MED12L: variants seen among roughly 807,000 people sequenced by gnomAD.
The protein encoded by MED12L is mediator complex subunit 12L.
Under a neutral mutation model 281.3 loss-of-function variants are expected in MED12L, and 60 were observed. That is an observed-to-expected ratio of 0.21 (90% CI 0.17 to 0.26). The LOEUF (loss-of-function observed/expected upper bound fraction) is 0.26, where lower values mean the gene tolerates loss of function less well. Among genes scored for constraint, MED12L ranks in the 10% least tolerant of loss-of-function variants. The pLI is 1.00. For missense variants in MED12L, 2,146 were observed against 2,680.9 expected, an observed-to-expected ratio of 0.80 and a Z score of 4.41; for synonymous variants, 974 against 987.2, an observed-to-expected ratio of 0.99 and a Z score of 0.25.
chr3:151,146,106 T>G (rs1160302146), intron 5 of MED12L, among the ~76,000 whole-genome samples: 2 of 152,184 alleles, frequency 1.3e-5, no homozygotes, highest in African/African-American at 4.8e-5. Flanking sequence ...GGCTGCTGAT[T>G]AAAAAAGCAG....
chr3:151,387,531 AAG>A (rs1713594583), intron 36 of MED12L, among the ~76,000 whole-genome samples: 1 of 152,190 alleles, frequency 6.6e-6, no homozygotes, highest in South Asian at 2.1e-4. Flanking sequence ...TTTTAGCAAA[AAG>A]AGGAAATACA....
chr3:151,406,538 A>G (rs1030430851), intron 39 of MED12L, among the ~76,000 whole-genome samples: 1 of 152,154 alleles, frequency 6.6e-6, no homozygotes, highest in Non-Finnish European at 1.5e-5. Context: ...GCATATCTGA[A>G]TTATTTTCCA....
chr3:151,376,822 G>C lies in MED12L; in HGVS notation c.4076G>C (p.Arg1359Thr). 1 of 1,613,980 alleles carries C rather than the reference G, an allele frequency of 6.2e-7. No individual in the cohort carries two copies. Among genetic ancestry groups the C allele is most frequent in the South Asian group, 1.1e-5 (1 of 91,078 alleles). Residue 1359 changes from arginine (R) to threonine (T), a missense_variant, in exon 29 of 45, where the codon AGG (arginine) becomes ACG (threonine). Arg to Thr is a moderately conservative substitution (Grantham distance 71). Around this residue, in one of 9 missense-constraint regions of MED12L, gnomAD observed 235 missense variants for 260.3 expected, o/e 0.90. Coordinates refer to ENST00000687756, the MANE Select transcript of MED12L (RefSeq NM_001393769.1). ...CAGAATCTTGAGCAGTGGACACTGAGGCAATCCTGGTTAGAACTCCAGCTA... is the reference window on the plus strand; with the variant it reads ...CAGAATCTTGAGCAGTGGACACTGACGCAATCCTGGTTAGAACTCCAGCTA... Reference protein sequence around the residue: ...ILQNLEQWTLRQSWLELQLMI... With the variant: ...ILQNLEQWTLTQSWLELQLMI...
At chr3:151,356,523 A>AT (rs1401168954) in intron 19 of MED12L, among the ~76,000 whole-genome samples, 2 of 152,172 alleles carry the variant, frequency 1.3e-5, no homozygotes, top group Non-Finnish European at 2.9e-5. Flanking sequence ...TTAAACTAAC[A>AT]TTTTATTTAA....
chr3:151,410,210 C>G (rs1716789344), intron 40 of MED12L, among the ~76,000 whole-genome samples: 1 of 152,180 alleles, frequency 6.6e-6, no homozygotes, highest in South Asian at 2.1e-4. Flanking sequence ...GCCTGATACA[C>G]AATATAATGC....
At position 151,361,069 on chromosome 3, in the gene MED12L, G is replaced by A. The variant is rs76728991; in HGVS notation, c.2957+464G>A. ...ATTTTGCTTTATTTGTATCCCTCTT[G>A]ATTTTGATATCTACCTTTTCTGAGC... On this transcript the variant is annotated intron_variant, in intron 21 of 44. Coordinates refer to ENST00000687756, the MANE Select transcript of MED12L (RefSeq NM_001393769.1). Among the ~76,000 whole-genome samples, 5 of 152,072 alleles carry A rather than the reference G, an allele frequency of 3.3e-5. No homozygotes were observed. The East Asian group carries it at 9.7e-4, about 29-fold the overall frequency.
chr3:151,155,238 C>G (rs1045762609), intron 5 of MED12L, among the ~76,000 whole-genome samples: 14 of 152,104 alleles, frequency 9.2e-5, no homozygotes, highest in African/African-American at 3.1e-4. Context: ...TTTGCTAATC[C>G]TTGGGGAAAT....
chr3:151,189,081 A>G (rs1290207055), intron 13 of MED12L, among the ~76,000 whole-genome samples: 3 of 152,212 alleles, frequency 2.0e-5, no homozygotes, highest in Non-Finnish European at 4.4e-5. Context: ...AGATTTTCAT[A>G]TGACAAAATG....
At chr3:151,128,480 C>A (rs1178408389) in intron 5 of MED12L, among the ~76,000 whole-genome samples, 1 of 152,048 alleles carries the variant, frequency 6.6e-6, no homozygotes, top group Non-Finnish European at 1.5e-5. Context: ...TCTGCCCCCA[C>A]CCCCGGCTCC....
At chr3:151,121,692 A>G (rs561515860) in intron 3 of MED12L, among the ~76,000 whole-genome samples, 22 of 152,162 alleles carry the variant, frequency 1.4e-4, no homozygotes, top group African/African-American at 4.8e-4. Context: ...CAGATTTTCT[A>G]TAGATTCACT....
intron 16 of MED12L, chr3:151,327,005 A>G (rs565400766): frequency 2.0e-5 from 3 of 152,324 alleles, no homozygotes; most frequent in South Asian, 4.1e-4. Flanking sequence ...CGAGAATAGC[A>G]ATTCTATTTA....
At chr3:151,219,151 G>C (rs950033041) in intron 16 of MED12L, among the ~76,000 whole-genome samples, 7 of 152,224 alleles carry the variant, frequency 4.6e-5, no homozygotes, top group African/African-American at 1.7e-4. Flanking sequence ...GATTCAATCT[G>C]ATTTAGATAG....
At chr3:151,373,142 C>T (rs1756395919) in intron 27 of MED12L, among the ~76,000 whole-genome samples, 2 of 152,178 alleles carry the variant, frequency 1.3e-5, no homozygotes, top group Middle Eastern at 3.4e-3. Context: ...GCTTTTGGTA[C>T]AGTAATTTTT....
intron 2 of MED12L, among the ~76,000 whole-genome samples, chr3:151,109,258 T>C (rs1311080734): frequency 1.3e-5 from 2 of 152,156 alleles, no homozygotes; most frequent in African/African-American, 2.4e-5. Flanking sequence ...GGTTTCACCG[T>C]GTTAGCCAGG....
At position 151,321,313 on chromosome 3, in the gene MED12L, GGTT is replaced by G. The variant is rs543274800; in HGVS notation, c.2251-28745_2251-28743del. On this transcript the variant is annotated intron_variant, in intron 16 of 44. Transcript: ENST00000687756. The stretch of plus-strand genomic sequence containing the variant: ...AATTGTGGGAATCTATAAAAGCTGA[GGTT>G]AGAATATATGGGGAGAGAAGGGAGG... Among the ~76,000 whole-genome samples the G allele has an allele frequency of 1.9e-3, 283 of 152,178 alleles. 1 individual carries two copies. Among genetic ancestry groups the G allele is most frequent in the African/African-American group, 6.5e-3 (269 of 41,512 alleles).
chr3:151,245,571 C>G (rs112649767), intron 16 of MED12L, among the ~76,000 whole-genome samples: 19 of 139,294 alleles, frequency 1.4e-4, no homozygotes, highest in Admixed American at 3.0e-4. Context: ...ATTCAACAAC[C>G]CTTCATGCTG....
chr3:151,343,880 T>C (rs138336729), intron 16 of MED12L, among the ~76,000 whole-genome samples: 3 of 152,316 alleles, frequency 2.0e-5, no homozygotes, highest in African/African-American at 4.8e-5. Flanking sequence ...GATATAATTA[T>C]GACATTTGAT....
chr3:151,270,575 A>G (rs1225935616), intron 16 of MED12L, among the ~76,000 whole-genome samples: 1 of 152,142 alleles, frequency 6.6e-6, no homozygotes, highest in Non-Finnish European at 1.5e-5. Flanking sequence ...CTGCGTGAAT[A>G]TGGATAGTTA....
chr3:151,268,938 G>A (rs776531262), intron 16 of MED12L, among the ~76,000 whole-genome samples: 6 of 152,158 alleles, frequency 3.9e-5, no homozygotes, highest in Admixed American at 6.5e-5. Context: ...TTTTCTGAGC[G>A]TCTTCCTGAC....
Sources: allele counts gnomAD v4.1 joint callset (sites outside exome capture counted in the v4.1 genomes callset), GRCh38; gene constraint gnomAD v4.1.1; regional missense constraint gnomAD v4.1.1; transcripts MANE v1.5; gene names NCBI Gene and HGNC (gene_info 2026-07-23, HGNC 2026-07-21).